The following GAGE10 variants were observed in gnomAD, a reference collection of about 807,000 sequenced individuals.
GAGE10 encodes the protein G antigen 10.
Under a neutral mutation model 11.5 loss-of-function variants are expected in GAGE10, and 9 were observed. The ratio of observed to expected loss-of-function variants is 0.78; its 90% CI spans 0.47 to 1.37. The LOEUF is 1.37. Ranked by LOEUF, GAGE10 falls within the 40% of genes most tolerant of loss-of-function variation. GAGE10 has a pLI of 0.00. For missense variants in GAGE10, 83 were observed against 92.9 expected, an observed-to-expected ratio of 0.89 and a Z score of 0.44; for synonymous variants, 23 against 29.7, an observed-to-expected ratio of 0.77 and a Z score of 0.73.
In GAGE10 at chrX:49,317,240, C is replaced by T; in HGVS notation, c.280C>T (p.Gln94Ter). The T allele has an allele frequency of 1.7e-6, 2 of 1,208,066 alleles. No homozygotes were observed. The highest frequency in any genetic ancestry group is 2.2e-6 in the Non-Finnish European group (2 of 893,176). The change falls in exon 4 of 5, where the codon CAG becomes TAG. Residue 94 changes from glutamine (Q) to a stop codon, truncating the protein, a stop_gained. Transcript: ENST00000407599. LOFTEE classifies it high-confidence loss of function. ...TGAGTGTGGAGATGGTCCTGATGGCCAGGAGATGGGCCTGCCAAATCCAGA... is the reference window on the plus strand; with the variant it reads ...TGAGTGTGGAGATGGTCCTGATGGCTAGGAGATGGGCCTGCCAAATCCAGA... ...GCECGDGPDG[Q>*]EMGLPNPEEV...
intron 4 of GAGE10, among the ~76,000 whole-genome samples, chrX:49,317,568 G>A (rs782772490): frequency 7.2e-5 from 8 of 111,381 alleles, no homozygotes; most frequent in African/African-American, 1.6e-4. Context: ...GGTTGTTCCC[G>A]AACTCCTGAC....
chrX:49,317,386 C>G (rs2066397223), intron 4 of GAGE10, 98 bp downstream of exon 4: 1 of 1,094,807 alleles, frequency 9.1e-7, no homozygotes, highest in African/African-American at 1.9e-5. Context: ...CTTGCTCTGT[C>G]CACCAGGCTG....
At chrX:49,313,495 C>T (rs1184327300) in intron 3 of GAGE10, among the ~76,000 whole-genome samples, 1 of 111,459 alleles carries the variant, frequency 9.0e-6, no homozygotes, top group Non-Finnish European at 1.9e-5. Flanking sequence ...CCTTAGGAGA[C>T]AGATGCAGGC....
chrX:49,317,368 G>T (rs1423762484), intron 4 of GAGE10, 80 bp downstream of exon 4: 73 of 1,130,091 alleles, frequency 6.5e-5, no homozygotes, highest in Non-Finnish European at 8.6e-5. Flanking sequence ...ACATTTTTGA[G>T]ATGGAGTCTT....
chrX:49,313,310 A>T (rs1249474234), intron 3 of GAGE10, among the ~76,000 whole-genome samples: 1 of 112,263 alleles, frequency 8.9e-6, no homozygotes, highest in Non-Finnish European at 1.9e-5. Context: ...CTACTAAAAA[A>T]GTTTAGCCAG....
At chrX:49,311,067 C>A (rs1557124689) in intron 3 of GAGE10, among the ~76,000 whole-genome samples, 1 of 110,306 alleles carries the variant, frequency 9.1e-6, no homozygotes. Context: ...GCTACCGGAG[C>A]CAGACCTACA....
At chrX:49,314,142 G>A (rs1557124975) in intron 3 of GAGE10, among the ~76,000 whole-genome samples, 1 of 112,212 alleles carries the variant, frequency 8.9e-6, no homozygotes, top group African/African-American at 3.2e-5. Context: ...CACTGATGTT[G>A]TTACCATTTC....
chrX:49,310,507 G>T (rs2066372854), intron 3 of GAGE10, among the ~76,000 whole-genome samples: 1 of 111,789 alleles, frequency 8.9e-6, no homozygotes, highest in African/African-American at 3.3e-5. Flanking sequence ...AATGTCAAAA[G>T]AGTAAGGAGA....
At chrX:49,306,631 G>A (rs2066358062) in intron 3 of GAGE10, among the ~76,000 whole-genome samples, 1 of 111,042 alleles carries the variant, frequency 9.0e-6, no homozygotes, top group Admixed American at 9.6e-5. Flanking sequence ...CACTGCTCTC[G>A]GTACTCTATG....
At chrX:49,305,214 G>A (rs1306596786) in intron 2 of GAGE10, among the ~76,000 whole-genome samples, 190 bp from the exon 3 acceptor site, 1 of 111,350 alleles carries the variant, frequency 9.0e-6, no homozygotes, top group African/African-American at 3.3e-5. Context: ...CAAAGTCCTC[G>A]TGCGTCACTT....
At chrX:49,309,182 G>C (rs1296703323) in intron 3 of GAGE10, among the ~76,000 whole-genome samples, 1 of 111,992 alleles carries the variant, frequency 8.9e-6, no homozygotes, top group East Asian at 2.8e-4. Context: ...GAGAGTGAAA[G>C]TGAGAGTGAA....
intron 3 of GAGE10, among the ~76,000 whole-genome samples, chrX:49,308,342 G>A (rs782282082): frequency 2.0e-4 from 22 of 112,504 alleles, no homozygotes; most frequent in Non-Finnish European, 3.8e-4. Context: ...AGAGCCCCAC[G>A]GCCAGGGGAG....
At chrX:49,307,671 A>G (rs781807327) in intron 3 of GAGE10, among the ~76,000 whole-genome samples, 8 of 110,923 alleles carry the variant, frequency 7.2e-5, no homozygotes, top group Non-Finnish European at 1.5e-4. Context: ...GTTTGTTTGT[A>G]TTTTTAGTAG....
At chrX:49,317,401 G>A (rs2066397393) in intron 4 of GAGE10, 113 bp downstream of exon 4, 4 of 1,042,889 alleles carry the variant, frequency 3.8e-6, no homozygotes, top group Non-Finnish European at 5.2e-6. Flanking sequence ...AGGCTGGAGT[G>A]CAGTGGTGGC....
chrX:49,317,083 C>T (rs2066394558), intron 3 of GAGE10, 80 bp from the exon 4 acceptor site: 3 of 1,043,708 alleles, frequency 2.9e-6, no homozygotes, highest in South Asian at 2.0e-5. Context: ...TATATAATAA[C>T]ACCGAGAGCA....
At chrX:49,307,689 G>T (rs2066362428) in intron 3 of GAGE10, among the ~76,000 whole-genome samples, 2 of 111,637 alleles carry the variant, frequency 1.8e-5, no homozygotes, top group African/African-American at 6.5e-5. Context: ...TAGAGATAGG[G>T]TTCGCCCTGT....
Position 49,317,397 on chromosome X carries a change from G to A in GAGE10, c.328+109G>A, listed in dbSNP as rs1332905737. 7 of 1,063,777 alleles carry A rather than the reference G, an allele frequency of 6.6e-6. No homozygotes were observed. The South Asian group carries it at 1.2e-4, about 19-fold the overall frequency. The allele number at this position is 1,063,777 out of a possible 1,213,427, so 87.7% of individuals were successfully genotyped here. A position where few individuals can be genotyped will look rare whatever the true frequency, so the allele number is the denominator to read the frequency against. On this transcript the variant is annotated intron_variant, in intron 4 of 4. Transcript: ENST00000407599. The stretch of plus-strand genomic sequence containing the variant: ...GAGTCTTGCTCTGTCCACCAGGCTG[G>A]AGTGCAGTGGTGGCATCTCGGCTCA...
intron 2 of GAGE10, 141 bp downstream of exon 2, chrX:49,305,081 T>C (rs1269145470): frequency 3.0e-6 from 3 of 990,064 alleles, no homozygotes; most frequent in South Asian, 4.7e-5. Flanking sequence ...GAAGGAAACA[T>C]TGATTCTGGA....
intron 3 of GAGE10, among the ~76,000 whole-genome samples, chrX:49,308,486 C>T (rs782617399): frequency 3.7e-4 from 41 of 111,842 alleles, no homozygotes; most frequent in Non-Finnish European, 6.4e-4. Flanking sequence ...ACTTCAGGTA[C>T]CACAGTAAGG....
Sources: allele counts gnomAD v4.1 joint callset (sites outside exome capture counted in the v4.1 genomes callset), GRCh38; gene constraint gnomAD v4.1.1; transcripts MANE v1.5; gene names NCBI Gene and HGNC (gene_info 2026-07-23, HGNC 2026-07-21).